The following PRCC variants were observed in gnomAD, a reference collection of about 807,000 sequenced individuals.
PRCC encodes the protein proline rich mitotic checkpoint control factor.
In PRCC, 10 loss-of-function variants were observed where a neutral mutation model predicts 44.0. The ratio of observed to expected loss-of-function variants is 0.23; its 90% CI spans 0.14 to 0.39. PRCC has a LOEUF of 0.39. Ranked by LOEUF, PRCC falls within the 10% of genes least tolerant of loss-of-function variation. The pLI, the probability that PRCC is intolerant of heterozygous loss-of-function variation, is 1.00. For synonymous variants in PRCC, 278 were observed against 259.5 expected (o/e 1.07, Z -0.69); for missense variants, 573 against 624.7 (o/e 0.92, Z 0.88).
chr1:156,800,718 C>G lies in PRCC; in HGVS notation c.*258C>G, dbSNP rs973455809. 1.2e-5 allele frequency: 5 copies of G among 403,866 alleles called. No individual in the cohort carries two copies. The South Asian group carries it at 2.4e-4, about 20-fold the overall frequency. The allele number at this position is 403,866 out of a possible 1,614,324, so 25.0% of individuals were successfully genotyped here. A position where few individuals can be genotyped will look rare whatever the true frequency, so the allele number is the denominator to read the frequency against. On this transcript the variant is annotated 3_prime_UTR_variant, in exon 7 of 7. Transcript: ENST00000271526. ...TGAGTTCTGGGGTGGGAGTTTTGCT[C>G]TCTGTCAGGTGTGATAAAATGTTGA...
chr1:156,785,393 A>G (rs1652202065), intron 2 of PRCC, among the ~76,000 whole-genome samples: 1 of 151,948 alleles, frequency 6.6e-6, no homozygotes, highest in South Asian at 2.1e-4. Context: ...GAGCACCTAT[A>G]ATCCCAGCTA....
rs904735334 is a variant in PRCC at position 156,771,023 on chromosome 1, C to T, written c.468+2784C>T. On this transcript the variant is annotated intron_variant, in intron 1 of 6. Transcript: ENST00000271526. ...AGAGAAGGACCGTGATAAGCTGGTG[C>T]CATTGGAGTATACCTAGTGGGCATT... 5.9e-5 allele frequency among the ~76,000 whole-genome samples: 9 copies of T among 152,256 alleles called. 1 individual carries two copies. The South Asian group carries it at 1.7e-3, about 28-fold the overall frequency.
At chr1:156,792,113 C>T (rs1477732481) in intron 4 of PRCC, among the ~76,000 whole-genome samples, 2 of 115,844 alleles carry the variant, frequency 1.7e-5, no homozygotes, top group Admixed American at 1.3e-4. Flanking sequence ...GTTGTCCAGG[C>T]TGCACTTGAA....
At chr1:156,775,678 T>A (rs12409534) in intron 1 of PRCC, among the ~76,000 whole-genome samples, 1 of 151,880 alleles carries the variant, frequency 6.6e-6, no homozygotes, top group African/African-American at 2.4e-5. Context: ...CCCCGGCTAA[T>A]TTTTGTATTT....
chr1:156,770,996 G>A lies in PRCC; in HGVS notation c.468+2757G>A, dbSNP rs12042264. On this transcript the variant is annotated intron_variant, in intron 1 of 6. Transcript: ENST00000271526. ...AGAAGGAAATAGATTTTAGGACAAG[G>A]CAGAGAAGGACCGTGATAAGCTGGT... Among the ~76,000 whole-genome samples the A allele has an allele frequency of 1.3e-3, 198 of 152,332 alleles. 9 individuals are homozygous for A. In the East Asian group the frequency reaches 0.035, roughly 27 times the overall value.
intron 1 of PRCC, among the ~76,000 whole-genome samples, chr1:156,781,080 G>A (rs546054690): frequency 6.6e-6 from 1 of 152,206 alleles, no homozygotes; most frequent in South Asian, 2.1e-4. Flanking sequence ...TTACTGGATT[G>A]TAAGTTCTTT....
chr1:156,779,126 ATATTTTTTTTTTTTTTT>A (rs1384217886), intron 1 of PRCC, among the ~76,000 whole-genome samples: 77 of 29,324 alleles, frequency 2.6e-3, no homozygotes, highest in South Asian at 0.016. Flanking sequence ...ATATATATAT[ATATTTTTTTTTTTTTTT>A]TTTTTTTTTT....
chr1:156,795,141 C>G (rs1316517106), intron 5 of PRCC, among the ~76,000 whole-genome samples: 1 of 152,048 alleles, frequency 6.6e-6, no homozygotes, highest in East Asian at 1.9e-4. Flanking sequence ...TCAGATCCTT[C>G]TTTCCTTTTT....
intron 5 of PRCC, chr1:156,797,046 A>T (rs896128449): frequency 6.8e-5 from 35 of 511,214 alleles, no homozygotes; most frequent in South Asian, 6.3e-4. Context: ...CTAGTGGGGG[A>T]TATTAGCAGG....
At chr1:156,800,243 A>T in intron 6 of PRCC, 131 bp from the exon 7 acceptor site, 1 of 741,840 alleles carries the variant, frequency 1.3e-6, no homozygotes, top group South Asian at 1.9e-5. Context: ...AAGTCTTTCA[A>T]GGGGTTTGCA....
intron 1 of PRCC, among the ~76,000 whole-genome samples, chr1:156,768,818 T>A (rs1028216096): frequency 2.6e-5 from 4 of 152,194 alleles, no homozygotes; most frequent in African/African-American, 4.8e-5. Context: ...GGAGGTAACA[T>A]ACTATTGTTT....
intron 1 of PRCC, among the ~76,000 whole-genome samples, chr1:156,768,520 C>A (rs1308564664): frequency 6.6e-6 from 1 of 152,182 alleles, no homozygotes; most frequent in Non-Finnish European, 1.5e-5. Context: ...TCCGCTCCCC[C>A]TTCTTTGCAT....
rs374996379 is a variant in PRCC at position 156,786,925 on chromosome 1, C to T, written c.834C>T (p.Ser278=). 2.3e-5 allele frequency: 37 copies of T among 1,614,194 alleles called. No homozygotes were observed. Among genetic ancestry groups the T allele is most frequent in the Non-Finnish European group, 2.9e-5 (34 of 1,180,032 alleles). The part of the protein sequence containing the change: ...DEEVAPENFF[S]LPEKAEPPGV... ...AAGTAGCCCCCGAAAACTTTTTCTC[C>T]CTCCCTGAAAAGGCTGAGCCACCTG... is the stretch of plus-strand genomic sequence containing the variant. Residue 278 remains serine (S), a synonymous_variant, in exon 3 of 7, where the codon TCC becomes TCT. Coordinates refer to ENST00000271526, the MANE Select transcript of PRCC (RefSeq NM_005973.5).
intron 1 of PRCC, among the ~76,000 whole-genome samples, chr1:156,779,360 A>C (rs1651963363): frequency 6.7e-6 from 1 of 148,838 alleles, no homozygotes; most frequent in African/African-American, 2.5e-5. Context: ...GTATTATTTT[A>C]ATTATTATTA....
Position 156,767,960 on chromosome 1 carries a change from C to A in PRCC, c.189C>A (p.Pro63=), listed in dbSNP as rs376603422. The change falls in exon 1 of 7, where the codon CCC becomes CCA. Residue 63 remains proline, a synonymous_variant. Coordinates refer to ENST00000271526, the MANE Select transcript of PRCC (RefSeq NM_005973.5). ...CTCAGATGCTGGCGCCAGCCTTTCC[C>A]CCGCCGCTGTTGCTTCCCCCACCCA... ...PPPQMLAPAF[P]PPLLLPPPTG... 20 of 1,586,610 alleles carry A rather than the reference C, an allele frequency of 1.3e-5. No individual in the cohort carries two copies. Among genetic ancestry groups the A allele is most frequent in the East Asian group, 6.9e-5 (3 of 43,672 alleles).
At chr1:156,771,683 GT>G (rs11403707) in intron 1 of PRCC, among the ~76,000 whole-genome samples, 3 of 135,946 alleles carry the variant, frequency 2.2e-5, no homozygotes, top group East Asian at 4.0e-4. Context: ...TAGTTTAAAT[GT>G]TTTTTTTTTT....
intron 2 of PRCC, among the ~76,000 whole-genome samples, chr1:156,784,077 G>A (rs1302698467): frequency 6.6e-6 from 1 of 151,960 alleles, no homozygotes; most frequent in African/African-American, 2.4e-5. Context: ...CTCCAGAGTA[G>A]CTGGGACTAC....
At chr1:156,771,791 A>G (rs12566793) in intron 1 of PRCC, among the ~76,000 whole-genome samples, 52,447 of 151,644 alleles carry the variant, frequency 0.35, 10,471 homozygotes, top group East Asian at 0.73. Flanking sequence ...TTGGCCTCTC[A>G]AAGTACTGGG....
At chr1:156,797,233 C>G (rs758397084) in intron 5 of PRCC, 43 bp from the exon 6 acceptor site, 3 of 1,612,364 alleles carry the variant, frequency 1.9e-6, no homozygotes, top group Non-Finnish European at 2.5e-6. Context: ...GAAACTTCTG[C>G]TTTCATCCTG....
Sources: gnomAD v4.1 joint callset for allele counts (sites outside exome capture counted in the v4.1 genomes callset) on GRCh38, gnomAD v4.1.1 for gene constraint, MANE v1.5 for transcripts, NCBI Gene and HGNC (gene_info 2026-07-23, HGNC 2026-07-21) for gene names.